Variants in NRCAM observed in about 807,000 individuals in gnomAD.
The protein encoded by NRCAM is neuronal cell adhesion molecule.
NRCAM carries 83 observed loss-of-function variants against 156.5 expected under a neutral mutation model. That is an observed-to-expected ratio of 0.53 (90% CI 0.44 to 0.64). NRCAM has a LOEUF of 0.64. NRCAM is among the 30% of genes least tolerant of loss of function. The pLI is 0.00. For missense variants in NRCAM, 1,417 were observed against 1,597.3 expected (o/e 0.89, Z 1.92); for synonymous variants, 538 against 563.9 (o/e 0.95, Z 0.65).
intron 2 of NRCAM, among the ~76,000 whole-genome samples, chr7:108,360,639 G>A (rs1269842422): frequency 6.6e-6 from 1 of 152,176 alleles, no homozygotes; most frequent in Non-Finnish European, 1.5e-5. Flanking sequence ...ACTGCTGTGA[G>A]TAGACATATA....
chr7:108,204,753 T>G (rs1419257550), intron 13 of NRCAM, among the ~76,000 whole-genome samples: 1 of 152,188 alleles, frequency 6.6e-6, no homozygotes, highest in East Asian at 1.9e-4. Flanking sequence ...AGTCTCCTTT[T>G]TTCTGTCTCA....
intron 3 of NRCAM, among the ~76,000 whole-genome samples, chr7:108,246,865 G>A (rs2095972848): frequency 6.6e-6 from 1 of 152,198 alleles, no homozygotes; most frequent in African/African-American, 2.4e-5. Context: ...CCATGCCCTT[G>A]CATAGTCAAC....
intron 4 of NRCAM, 146 bp downstream of exon 4, chr7:108,239,813 A>G: frequency 1.9e-6 from 1 of 528,940 alleles, no homozygotes. Flanking sequence ...TATAAACACC[A>G]GGTGCTGAAG....
At chr7:108,269,129 A>G (rs1253568752) in intron 3 of NRCAM, among the ~76,000 whole-genome samples, 1 of 151,936 alleles carries the variant, frequency 6.6e-6, no homozygotes, top group Non-Finnish European at 1.5e-5. Flanking sequence ...CCAGGGAGGC[A>G]TCAAAAACTC....
At chr7:108,284,127 T>C (rs1249700317) in intron 3 of NRCAM, among the ~76,000 whole-genome samples, 1 of 152,176 alleles carries the variant, frequency 6.6e-6, no homozygotes, top group East Asian at 1.9e-4. Context: ...CAGCCTCTCA[T>C]TTCCAAATTA....
chr7:108,230,092 T>G (rs1264271035), intron 8 of NRCAM, among the ~76,000 whole-genome samples: 3 of 152,146 alleles, frequency 2.0e-5, no homozygotes. Context: ...TTAAAAAAAC[T>G]AACAGAAACA....
chr7:108,184,499 G>A lies in NRCAM; in HGVS notation c.2151C>T (p.Tyr717=), dbSNP rs1269927913. ...AQLKLSPYVN[Y]SFRVMAVNSI... The stretch of plus-strand genomic sequence containing the variant: ...TGTTCACTGCCATCACGCGGAAGGA[G>A]TAGTTCACGTAAGGAGACAGCTTCA... Residue 717 remains tyrosine, a synonymous_variant, in exon 21 of 33, where the codon TAC becomes TAT. Transcript: ENST00000379028. 6.2e-7 allele frequency: 1 copy of A among 1,614,172 alleles called. No homozygotes were observed. Among genetic ancestry groups the A allele is most frequent in the Non-Finnish European group, 8.5e-7 (1 of 1,180,036 alleles).
chr7:108,165,978 C>T (rs1178098617), intron 30 of NRCAM, among the ~76,000 whole-genome samples: 4 of 152,190 alleles, frequency 2.6e-5, no homozygotes, highest in Admixed American at 2.0e-4. Context: ...CTCCATCTAG[C>T]GAGCAAATAC....
chr7:108,436,960 G>A (rs1179497054), intron 1 of NRCAM, among the ~76,000 whole-genome samples: 1 of 152,140 alleles, frequency 6.6e-6, no homozygotes, highest in Non-Finnish European at 1.5e-5. Context: ...AGAGATATCC[G>A]CATTCCCATG....
At chr7:108,411,437 G>A (rs1163281063) in intron 1 of NRCAM, among the ~76,000 whole-genome samples, 7 of 151,896 alleles carry the variant, frequency 4.6e-5, no homozygotes, top group Non-Finnish European at 8.8e-5. Flanking sequence ...TCTATAACTG[G>A]GTTGATGTTA....
At chr7:108,283,399 G>A (rs2097932723) in intron 3 of NRCAM, among the ~76,000 whole-genome samples, 1 of 152,184 alleles carries the variant, frequency 6.6e-6, no homozygotes, top group Non-Finnish European at 1.5e-5. Context: ...TGCTATGATT[G>A]CCAAGGAAAG....
At chr7:108,360,580 T>C (rs2154317081) in intron 2 of NRCAM, among the ~76,000 whole-genome samples, 1 of 152,268 alleles carries the variant, frequency 6.6e-6, no homozygotes, top group South Asian at 2.1e-4. Context: ...AATTCATACT[T>C]CCTAATTTTG....
chr7:108,390,797 A>G (rs887042257), intron 2 of NRCAM, among the ~76,000 whole-genome samples: 2 of 152,206 alleles, frequency 1.3e-5, no homozygotes, highest in Non-Finnish European at 2.9e-5. Flanking sequence ...GGTTTCAAAG[A>G]ACATCTTTAT....
chr7:108,444,733 C>G (rs1171583545), intron 1 of NRCAM, among the ~76,000 whole-genome samples: 3 of 152,130 alleles, frequency 2.0e-5, no homozygotes, highest in East Asian at 3.8e-4. Flanking sequence ...GGATTGGGGC[C>G]TAACCTAATT....
intron 3 of NRCAM, among the ~76,000 whole-genome samples, chr7:108,293,447 G>T (rs573390983): frequency 6.6e-6 from 1 of 152,220 alleles, no homozygotes; most frequent in South Asian, 2.1e-4. Flanking sequence ...CATCAGAAGA[G>T]AATTGCAAAA....
At chr7:108,328,028 T>C (rs1401864864) in intron 2 of NRCAM, among the ~76,000 whole-genome samples, 1 of 152,160 alleles carries the variant, frequency 6.6e-6, no homozygotes, top group African/African-American at 2.4e-5. Flanking sequence ...GACAAAAGCA[T>C]TAAAATTACA....
intron 3 of NRCAM, among the ~76,000 whole-genome samples, chr7:108,299,349 A>G (rs11561991): frequency 0.33 from 50,295 of 151,450 alleles, 8,804 homozygotes; most frequent in African/African-American, 0.44. Context: ...GCATGGGTTG[A>G]GGAAAAGGTA....
chr7:108,429,613 A>G (rs959864597), intron 1 of NRCAM, among the ~76,000 whole-genome samples: 3 of 152,230 alleles, frequency 2.0e-5, no homozygotes, highest in Non-Finnish European at 4.4e-5. Flanking sequence ...CAGGGTGCCC[A>G]TGATGTTTCC....
chr7:108,168,336 C>A lies in NRCAM; in HGVS notation c.3254G>T (p.Ser1085Ile), dbSNP rs573099511. The A allele has an allele frequency of 6.2e-7, 1 of 1,610,194 alleles. No homozygotes were observed. Among genetic ancestry groups the A allele is most frequent in the Admixed American group, 1.7e-5 (1 of 59,330 alleles). Residue 1085 changes from serine to isoleucine, a missense_variant, in exon 29 of 33, where the codon AGT becomes ATT. Physicochemically the swap from Ser to Ile is moderately radical, Grantham distance 142. Coordinates refer to ENST00000379028, the MANE Select transcript of NRCAM (RefSeq NM_001037132.4). ...ATGCTCTGGTCCCTCATATTCCCAA[C>A]TGATATTGGCATAGGTCTCAGCAGC... The part of the protein sequence containing the change: ...AAAAETYANI[S>I]WEYEGPEHVN...
Sources: gnomAD v4.1 joint callset for allele counts (sites outside exome capture counted in the v4.1 genomes callset) on GRCh38, gnomAD v4.1.1 for gene constraint, MANE v1.5 for transcripts, NCBI Gene and HGNC (gene_info 2026-07-23, HGNC 2026-07-21) for gene names.